The following MCPH1 variants were observed in gnomAD, a reference collection of about 807,000 sequenced individuals.
MCPH1 encodes the protein microcephalin 1, also known as microcephalin.
Under a neutral mutation model 84.5 loss-of-function variants are expected in MCPH1, and 104 were observed. The ratio of observed to expected loss-of-function variants is 1.23; its 90% confidence interval spans 1.05 to 1.45. MCPH1 has a LOEUF of 1.45. Ranked by LOEUF, MCPH1 falls within the 40% of genes most tolerant of loss-of-function variation. The pLI is 0.00. For synonymous variants in MCPH1, 514 were observed against 366.8 expected, an observed-to-expected ratio of 1.40 and a Z score of -4.58; for missense variants, 1,498 against 1,005.7, an observed-to-expected ratio of 1.49 and a Z score of -6.62.
intron 6 of MCPH1, among the ~76,000 whole-genome samples, chr8:6,441,219 T>C (rs1053383835): frequency 1.3e-5 from 2 of 152,256 alleles, no homozygotes; most frequent in African/African-American, 2.4e-5. Flanking sequence ...ACTAGCTGTG[T>C]CCCAGGTGGA....
intron 1 of MCPH1, among the ~76,000 whole-genome samples, chr8:6,408,409 C>T (rs1365079314): frequency 6.6e-6 from 1 of 151,964 alleles, no homozygotes; most frequent in African/African-American, 2.4e-5. Flanking sequence ...TTTTGTAGAG[C>T]CAGGGTCTCA....
intron 12 of MCPH1, chr8:6,615,661 T>A (rs1193892828): frequency 6.6e-6 from 1 of 152,188 alleles, no homozygotes; most frequent in Non-Finnish European, 1.5e-5. Context: ...CAGTTGACTT[T>A]TTTGTATACA....
chr8:6,645,629 C>T lies in MCPH1; in HGVS notation c.*2580C>T, dbSNP rs796963416. 24 of 137,024 alleles carry T rather than the reference C, an allele frequency of 1.8e-4. No individual in the cohort carries two copies. Among genetic ancestry groups the T allele is most frequent in the African/African-American group, 6.4e-4 (23 of 35,788 alleles). 8.5% of individuals were successfully genotyped at this position (137,024 alleles called of 1,614,324 possible). A position where few individuals can be genotyped will look rare whatever the true frequency, so the allele number is the denominator to read the frequency against. ...TGCAAAAAAAAAAAAAAAAAAAAGC[C>T]CTACAAGAACTTATAACAAGTTTAG... On this transcript the variant is annotated 3_prime_UTR_variant, in exon 14 of 14. Transcript: ENST00000344683.
intron 12 of MCPH1, among the ~76,000 whole-genome samples, chr8:6,562,410 G>GTAT (rs2129575879): frequency 6.6e-6 from 1 of 152,206 alleles, no homozygotes; most frequent in South Asian, 2.1e-4. Context: ...GAGATTTTCT[G>GTAT]TATTGACTCT....
chr8:6,478,162 A>T (rs1808723255), intron 10 of MCPH1, among the ~76,000 whole-genome samples: 1 of 152,346 alleles, frequency 6.6e-6, no homozygotes, highest in African/African-American at 2.4e-5. Flanking sequence ...CATGTTTTTG[A>T]TATCAATCAT....
chr8:6,612,726 C>G (rs765263238), intron 12 of MCPH1, among the ~76,000 whole-genome samples: 1 of 152,210 alleles, frequency 6.6e-6, no homozygotes, highest in Non-Finnish European at 1.5e-5. Flanking sequence ...CCTGCTTTTG[C>G]TATCTGCACT....
chr8:6,471,171 G>T (rs1339294806), intron 9 of MCPH1, among the ~76,000 whole-genome samples: 1 of 152,154 alleles, frequency 6.6e-6, no homozygotes, highest in Admixed American at 6.5e-5. Context: ...AACACCGTAA[G>T]CAAAGTACCA....
chr8:6,490,028 GA>G (rs1401217359), intron 11 of MCPH1, among the ~76,000 whole-genome samples: 1 of 152,042 alleles, frequency 6.6e-6, no homozygotes, highest in Non-Finnish European at 1.5e-5. Context: ...TTTTAACTTG[GA>G]TCAACTGTGA....
At chr8:6,639,953 G>A (rs1375091482) in intron 13 of MCPH1, among the ~76,000 whole-genome samples, 1 of 151,876 alleles carries the variant, frequency 6.6e-6, no homozygotes, top group African/African-American at 2.4e-5. Context: ...TGCCCAGGCT[G>A]GCCTCAAACT....
intron 3 of MCPH1, among the ~76,000 whole-genome samples, chr8:6,417,717 G>A (rs1295037803): frequency 1.3e-5 from 2 of 152,138 alleles, no homozygotes; most frequent in Non-Finnish European, 2.9e-5. Context: ...GGTTATGAGT[G>A]TATTTTCTAT....
intron 12 of MCPH1, among the ~76,000 whole-genome samples, chr8:6,599,423 T>C (rs1383124311): frequency 6.6e-6 from 1 of 152,220 alleles, no homozygotes; most frequent in Non-Finnish European, 1.5e-5. Context: ...GAGGATGTTC[T>C]TTGTCCATTA....
At chr8:6,410,395 T>C (rs891322743) in intron 2 of MCPH1, among the ~76,000 whole-genome samples, 1 of 152,220 alleles carries the variant, frequency 6.6e-6, no homozygotes, top group African/African-American at 2.4e-5. Context: ...ATTTGAACAC[T>C]GTAAGGTCAT....
At chr8:6,524,928 C>CT (rs1351854030) in intron 12 of MCPH1, among the ~76,000 whole-genome samples, 10 of 152,238 alleles carry the variant, frequency 6.6e-5, no homozygotes, top group Admixed American at 5.9e-4. Context: ...CTGCACATGG[C>CT]TTCCTGTGTC....
At chr8:6,429,287 G>C (rs1432069935) in intron 3 of MCPH1, among the ~76,000 whole-genome samples, 1 of 152,150 alleles carries the variant, frequency 6.6e-6, no homozygotes, top group Non-Finnish European at 1.5e-5. Flanking sequence ...CCACTTATGT[G>C]AACATGGACC....
chr8:6,499,664 A>G (rs540775915), intron 11 of MCPH1, 188 bp from the exon 12 acceptor site: 90 of 564,048 alleles, frequency 1.6e-4, no homozygotes, highest in African/African-American at 1.3e-3. Context: ...TTCTCAATCA[A>G]CTTTTTATTA....
intron 12 of MCPH1, among the ~76,000 whole-genome samples, chr8:6,608,275 T>C (rs62496949): frequency 0.037 from 5,590 of 152,260 alleles, 147 homozygotes; most frequent in Non-Finnish European, 0.055. Context: ...TGAGCAGGTG[T>C]TGAGGTGTTC....
chr8:6,637,935 A>C (rs1283136803), intron 13 of MCPH1, among the ~76,000 whole-genome samples: 2 of 152,164 alleles, frequency 1.3e-5, no homozygotes, highest in African/African-American at 4.8e-5. Context: ...TGGATGTGGC[A>C]TATTAGAGAA....
chr8:6,421,333 A>G (rs1800165471), intron 3 of MCPH1, among the ~76,000 whole-genome samples: 1 of 152,122 alleles, frequency 6.6e-6, no homozygotes. Flanking sequence ...ATCACCCAAC[A>G]TTCCTAGTGG....
chr8:6,474,913 C>T (rs1395492640), intron 9 of MCPH1, among the ~76,000 whole-genome samples: 1 of 152,200 alleles, frequency 6.6e-6, no homozygotes. Context: ...AAATATTCAA[C>T]TAGTCTCATT....
Sources: allele counts gnomAD v4.1 joint callset (sites outside exome capture counted in the v4.1 genomes callset), GRCh38; gene constraint gnomAD v4.1.1; transcripts MANE v1.5; gene names NCBI Gene and HGNC (gene_info 2026-07-23, HGNC 2026-07-21).